Variants in NUP210L observed in about 807,000 individuals in gnomAD.
NUP210L encodes nucleoporin 210 like.
A neutral mutation model predicts 208.5 loss-of-function variants in NUP210L; 74 were observed. That is an observed-to-expected ratio of 0.35 (90% confidence interval 0.29 to 0.43). The LOEUF (loss-of-function observed/expected upper bound fraction) is 0.43, where lower values mean the gene tolerates loss of function less well. NUP210L is among the 20% of genes least tolerant of loss of function. The pLI is 1.00. For missense variants in NUP210L, 1,843 were observed against 2,289.4 expected (o/e 0.81, Z 3.98); for synonymous variants, 780 against 816.9 (o/e 0.95, Z 0.77).
intron 35 of NUP210L, among the ~76,000 whole-genome samples, chr1:154,009,295 C>T (rs758640650): frequency 6.6e-6 from 1 of 152,106 alleles, no homozygotes; most frequent in Non-Finnish European, 1.5e-5. Flanking sequence ...CCTATTTCCA[C>T]TTTCCACTTG....
At chr1:154,021,452 C>T (rs2147927012) in intron 32 of NUP210L, among the ~76,000 whole-genome samples, 1 of 151,722 alleles carries the variant, frequency 6.6e-6, no homozygotes, top group Admixed American at 6.6e-5. Context: ...ATGTCACTGC[C>T]CACTGCCCTC....
chr1:154,097,670 C>G (rs1656242023), intron 14 of NUP210L, among the ~76,000 whole-genome samples: 1 of 151,934 alleles, frequency 6.6e-6, no homozygotes, highest in African/African-American at 2.4e-5. Flanking sequence ...TTTCTTTTAC[C>G]TTACTTTACT....
intron 27 of NUP210L, among the ~76,000 whole-genome samples, chr1:154,033,857 A>G (rs1164146367): frequency 6.6e-6 from 1 of 152,134 alleles, no homozygotes; most frequent in Non-Finnish European, 1.5e-5. Flanking sequence ...TATTTTAACA[A>G]TATTGATTCT....
chr1:154,017,046 G>A (rs933010802), intron 33 of NUP210L, among the ~76,000 whole-genome samples: 1 of 152,012 alleles, frequency 6.6e-6, no homozygotes, highest in Admixed American at 6.6e-5. Context: ...TCTGGGAGGC[G>A]GAGGCGAGCA....
rs188332589 is a variant in NUP210L, at chr1:154,064,414, G to A, written c.2555-2740C>T. Among the ~76,000 whole-genome samples, 17 of 152,164 alleles carry A rather than the reference G, an allele frequency of 1.1e-4. No homozygotes were observed. The East Asian group carries it at 2.9e-3, about 26-fold the overall frequency. On this transcript the variant is annotated intron_variant, in intron 17 of 39. Coordinates refer to ENST00000368559, the Ensembl canonical transcript of NUP210L. Reference sequence around the variant, plus strand: ...CTTTTTAGAACCTCATCTATGCCTCGTGCCTCTCTGACTTAGTCTCACTCG... The same window carrying A: ...CTTTTTAGAACCTCATCTATGCCTCATGCCTCTCTGACTTAGTCTCACTCG...
At chr1:154,006,138 G>A (rs1195534379) in intron 35 of NUP210L, among the ~76,000 whole-genome samples, 1 of 151,864 alleles carries the variant, frequency 6.6e-6, no homozygotes, top group East Asian at 1.9e-4. Context: ...GATTACAGGC[G>A]TGAGCCACCG....
chr1:154,101,468 G>A (rs2148064730), intron 13 of NUP210L, among the ~76,000 whole-genome samples: 1 of 152,206 alleles, frequency 6.6e-6, no homozygotes, highest in East Asian at 1.9e-4. Context: ...GAGTGACACT[G>A]TTAAAAACAA....
intron 29 of NUP210L, among the ~76,000 whole-genome samples, chr1:154,026,184 G>A (rs573099264): frequency 4.7e-4 from 72 of 152,126 alleles, no homozygotes; most frequent in African/African-American, 1.7e-3. Flanking sequence ...GCAGTGAGCC[G>A]AGATGACACC....
intron 33 of NUP210L, among the ~76,000 whole-genome samples, chr1:154,017,295 AAAG>A (rs905861641): frequency 2.9e-5 from 4 of 140,160 alleles, no homozygotes; most frequent in Admixed American, 7.9e-5. Context: ...AAAAAAAAAA[AAAG>A]GGGGGGGCTC....
chr1:154,019,468 G>T (rs964735951), intron 32 of NUP210L, among the ~76,000 whole-genome samples: 1 of 152,144 alleles, frequency 6.6e-6, no homozygotes, highest in Non-Finnish European at 1.5e-5. Flanking sequence ...TTTGGCTTAA[G>T]TCTAAAGATG....
At chr1:154,046,505 T>C (rs1475311512) in intron 25 of NUP210L, 136 bp from the exon 26 acceptor site, 3 of 704,204 alleles carry the variant, frequency 4.3e-6, no homozygotes, top group African/African-American at 3.5e-5. Flanking sequence ...TGCAGCACTA[T>C]TCACAATAGC....
chr1:154,127,402 G>C (rs762710106), exon 9 of NUP210L: 1 of 1,580,544 alleles, frequency 6.3e-7, no homozygotes, highest in South Asian at 1.1e-5. Flanking sequence ...TCGGTTTCCA[G>C]GTTGGACAGT....
At chr1:154,034,787 C>G (rs982648409) in intron 27 of NUP210L, among the ~76,000 whole-genome samples, 2 of 150,878 alleles carry the variant, frequency 1.3e-5, no homozygotes, top group African/African-American at 4.9e-5. Flanking sequence ...CTCATAGCAG[C>G]CTTAATGATC....
chr1:154,052,492 C>T (rs947273091), intron 25 of NUP210L, among the ~76,000 whole-genome samples: 3 of 152,142 alleles, frequency 2.0e-5, no homozygotes, highest in African/African-American at 7.2e-5. Context: ...AGTGGGACAA[C>T]CAGTCACAAT....
At chr1:154,115,696 T>C (rs1248896748) in intron 12 of NUP210L, among the ~76,000 whole-genome samples, 1 of 152,196 alleles carries the variant, frequency 6.6e-6, no homozygotes, top group African/African-American at 2.4e-5. Context: ...CTAGTTATAC[T>C]TTAAATACTT....
At chr1:154,128,364 T>C (rs1311894910) in intron 8 of NUP210L, among the ~76,000 whole-genome samples, 1 of 151,550 alleles carries the variant, frequency 6.6e-6, no homozygotes, top group Non-Finnish European at 1.5e-5. Flanking sequence ...CTCGCGGCTA[T>C]AGTTCCATTA....
rs1169829262 is a variant in NUP210L, at chr1:154,002,094, A to C, written c.4931-109T>G. 2.9e-5 allele frequency: 34 copies of C among 1,157,438 alleles called. No homozygotes were observed. The East Asian group carries it at 8.3e-4, about 28-fold the overall frequency. The allele number at this position is 1,157,438 out of a possible 1,614,324, so 71.7% of individuals were successfully genotyped here. A position where few individuals can be genotyped will look rare whatever the true frequency, so the allele number is the denominator to read the frequency against. ...TGACATGCAAATTCAGCAAAAGAGAAAATGTGAATTTAGTTTTGAGTATTC... is the reference window on the plus strand; with the variant it reads ...TGACATGCAAATTCAGCAAAAGAGACAATGTGAATTTAGTTTTGAGTATTC... On this transcript the variant is annotated intron_variant, in intron 35 of 39. Coordinates refer to ENST00000368559, the Ensembl canonical transcript of NUP210L.
chr1:154,146,410 G>A lies in NUP210L; in HGVS notation c.341-2833C>T, dbSNP rs151159655. Among the ~76,000 whole-genome samples the A allele has an allele frequency of 4.6e-4, 70 of 152,104 alleles. 1 individual carries two copies. Among genetic ancestry groups the A allele is most frequent in the Admixed American group, 2.9e-3 (44 of 15,252 alleles). ...AAGTATGGAATATATGAAGGAAATCGCTTAAGCCCAGGAGTTCAAGATCAG... is the reference window on the plus strand; with the variant it reads ...AAGTATGGAATATATGAAGGAAATCACTTAAGCCCAGGAGTTCAAGATCAG... On this transcript the variant is annotated intron_variant, in intron 2 of 39. Transcript: ENST00000368559.
At chr1:154,056,895 T>C (rs1218118610) in exon 23 of NUP210L, 3 of 1,609,348 alleles carry the variant, frequency 1.9e-6, no homozygotes, top group South Asian at 1.1e-5. Flanking sequence ...TGCCCAATAG[T>C]GGTAGCTCGA....
Sources: allele counts gnomAD v4.1 joint callset (sites outside exome capture counted in the v4.1 genomes callset), GRCh38; gene constraint gnomAD v4.1.1; transcripts MANE v1.5; gene names NCBI Gene and HGNC (gene_info 2026-07-23, HGNC 2026-07-21).